The following SERINC2 variants were observed in gnomAD, a reference collection of about 807,000 sequenced individuals.
SERINC2 encodes the protein tumor differentially expressed protein 2.
A neutral mutation model predicts 54.2 loss-of-function variants in SERINC2; 56 were observed. The observed-to-expected ratio is 1.03, with a 90% CI of 0.83 to 1.29. The LOEUF is 1.29. SERINC2 is among the 50% of genes most tolerant of loss of function. The pLI is 0.00. For synonymous variants in SERINC2, 272 were observed against 253.1 expected, an observed-to-expected ratio of 1.07 and a Z score of -0.71; for missense variants, 614 against 607.4, an observed-to-expected ratio of 1.01 and a Z score of -0.12.
intron 3 of SERINC2, among the ~76,000 whole-genome samples, 192 bp downstream of exon 3, chr1:31,425,065 C>T (rs927686794): frequency 6.6e-6 from 1 of 152,216 alleles, no homozygotes; most frequent in Non-Finnish European, 1.5e-5. Context: ...CAGCAAGCCT[C>T]AGGCCCCGCA....
chr1:31,431,876 A>AGAGGGTGGT (rs1641238480), intron 8 of SERINC2, among the ~76,000 whole-genome samples: 1 of 133,414 alleles, frequency 7.5e-6, no homozygotes. Flanking sequence ...GATAGGGTGG[A>AGAGGGTGGT]CAGGGTGGAC....
rs1640705341 is a variant in SERINC2 at position 31,413,790 on chromosome 1, G to T, written c.39+486G>T. ...GCCTGCCAGTCCGCCTGTTCCTGTC[G>T]CTCGGGCTCCGCCTGTCCGTTCGTA... On this transcript the variant is annotated intron_variant, in intron 1 of 9. Transcript: ENST00000373709. The surrounding 1 kb of genome is among the most constrained non-coding windows in gnomAD (Gnocchi z 5.0). The T allele has an allele frequency of 9.5e-6, 13 of 1,375,614 alleles. No homozygotes were observed. The highest frequency in any genetic ancestry group is 1.2e-5 in the Non-Finnish European group (13 of 1,071,510). The allele number at this position is 1,375,614 out of a possible 1,614,324, so 85.2% of individuals were successfully genotyped here. A position where few individuals can be genotyped will look rare whatever the true frequency, so the allele number is the denominator to read the frequency against.
chr1:31,429,673 C>T (rs782210551), intron 8 of SERINC2, 135 bp downstream of exon 8: 43 of 1,003,304 alleles, frequency 4.3e-5, no homozygotes, highest in African/African-American at 1.3e-4. Flanking sequence ...TTGCATTGTG[C>T]GGGAGGGGAA....
chr1:31,432,606 G>T (rs1641340436), intron 8 of SERINC2, among the ~76,000 whole-genome samples: 1 of 152,114 alleles, frequency 6.6e-6, no homozygotes, highest in Non-Finnish European at 1.5e-5. Flanking sequence ...TTATGGAAAT[G>T]GCAAAGGAAC....
chr1:31,432,066 C>G (rs138712518), intron 8 of SERINC2, among the ~76,000 whole-genome samples: 737 of 15,290 alleles, frequency 0.048, 12 homozygotes, highest in East Asian at 0.079. Flanking sequence ...ACAGGGTGGA[C>G]AGGGTGGACA....
chr1:31,415,409 C>G (rs1198743836), intron 1 of SERINC2, among the ~76,000 whole-genome samples: 1 of 152,238 alleles, frequency 6.6e-6, no homozygotes, highest in African/African-American at 2.4e-5. Flanking sequence ...AGCCCCTCAC[C>G]ATGCCATCTC....
intron 8 of SERINC2, among the ~76,000 whole-genome samples, chr1:31,431,859 T>TGGAC (rs1260863260): frequency 4.0e-5 from 1 of 24,914 alleles, no homozygotes; most frequent in African/African-American, 7.3e-5. Context: ...ATAGGGTGGA[T>TGGAC]AGGGTGGATA....
chr1:31,415,028 G>A (rs1259865249), intron 1 of SERINC2, among the ~76,000 whole-genome samples: 1 of 152,204 alleles, frequency 6.6e-6, no homozygotes, highest in African/African-American at 2.4e-5. Context: ...TGGTCTCTGA[G>A]TTACAGCATT....
intron 1 of SERINC2, chr1:31,414,454 T>TGTGTATGTGTGTGAGA (rs1553131931): frequency 1.7e-6 from 1 of 603,858 alleles, no homozygotes; most frequent in Non-Finnish European, 2.0e-6. Flanking sequence ...TGTGTGTGTG[T>TGTGTATGTGTGTGAGA]GAGAGAGAGA....
At position 31,415,877 on chromosome 1, in the gene SERINC2, G is replaced by GGAACTGGGCTGAAGGT; in HGVS notation, c.39+2591_39+2606dup. The stretch of plus-strand genomic sequence containing the variant: ...TCTGCTGATTGTGCTTCTCAGCATT[G>GGAACTGGGCTGAAGGT]GAACTGGGCTGAAGGTGAACTGGGC... On this transcript the variant is annotated intron_variant, in intron 1 of 9. Coordinates refer to ENST00000373709, the MANE Select transcript of SERINC2 (RefSeq NM_178865.5). 1.1e-3 allele frequency: 1,098 copies of GGAACTGGGCTGAAGGT among 985,502 alleles called. 7 individuals carry two copies. In the African/African-American group the frequency reaches 0.017, roughly 16 times the overall value. 61.0% of individuals were successfully genotyped at this position (985,502 alleles called of 1,614,324 possible).
Position 31,434,151 on chromosome 1 carries a change from G to T in SERINC2, c.1320G>T (p.Leu440=). 6.2e-7 allele frequency: 1 copy of T among 1,613,888 alleles called. No individual in the cohort carries two copies. Among genetic ancestry groups the T allele is most frequent in the African/African-American group, 1.3e-5 (1 of 75,018 alleles). ...GCTGGGCAGGGCTGCTCCTCTACCTGTGGACCCTGGTAGCCCCACTCCTCC... is the reference window on the plus strand; with the variant it reads ...GCTGGGCAGGGCTGCTCCTCTACCTTTGGACCCTGGTAGCCCCACTCCTCC... ...CASWAGLLLY[L]WTLVAPLLLR... Residue 440 remains leucine (L), a synonymous_variant, in exon 10 of 10, where the codon CTG becomes CTT. Transcript: ENST00000373709.
rs1172108164 is a variant in SERINC2 at position 31,434,417 on chromosome 1, C to T, written c.*218C>T. On this transcript the variant is annotated 3_prime_UTR_variant, in exon 10 of 10. Coordinates refer to ENST00000373709, the MANE Select transcript of SERINC2 (RefSeq NM_178865.5). ...CAGAGCCCCATCCCCCCGCCACACC[C>T]ACACGGTGGAGCTGCCTCTTCCTTC... 5 of 577,548 alleles carry T rather than the reference C, an allele frequency of 8.7e-6. No individual in the cohort carries two copies. The highest frequency in any genetic ancestry group is 1.5e-5 in the Non-Finnish European group (5 of 325,610). The allele number at this position is 577,548 out of a possible 1,614,324, so 35.8% of individuals were successfully genotyped here. A position where few individuals can be genotyped will look rare whatever the true frequency, so the allele number is the denominator to read the frequency against.
intron 1 of SERINC2, among the ~76,000 whole-genome samples, 154 bp from the exon 2 acceptor site, chr1:31,423,539 C>T (rs1158884099): frequency 1.3e-5 from 2 of 152,208 alleles, no homozygotes; most frequent in Non-Finnish European, 2.9e-5. Context: ...GACCCAGCCT[C>T]CCTCTCGGAC....
At chr1:31,425,691 G>A in intron 4 of SERINC2, 85 bp from the exon 5 acceptor site, 6 of 1,495,728 alleles carry the variant, frequency 4.0e-6, no homozygotes, top group Non-Finnish European at 5.5e-6. Context: ...AGTGTCCCCG[G>A]TGCAGGGTGT....
chr1:31,431,935 G>A lies in SERINC2; in HGVS notation c.1014-1032G>A, dbSNP rs868962863. Among the ~76,000 whole-genome samples the A allele has an allele frequency of 3.9e-3, 433 of 110,486 alleles. 34 individuals carry two copies. Among genetic ancestry groups the A allele is most frequent in the Non-Finnish European group, 6.0e-3 (299 of 49,768 alleles). 72.5% of individuals were successfully genotyped at this position (110,486 alleles called of 152,430 possible). On this transcript the variant is annotated intron_variant, in intron 8 of 9. Transcript: ENST00000373709. ...GGATAGGGTGGTTAGGGTGGATAGGGTGGTTAGGGTGGTTAGGGTGGTTAG... is the reference window on the plus strand; with the variant it reads ...GGATAGGGTGGTTAGGGTGGATAGGATGGTTAGGGTGGTTAGGGTGGTTAG...
upstream of SERINC2, among the ~76,000 whole-genome samples, chr1:31,411,365 G>T (rs1302769991): frequency 6.6e-6 from 1 of 152,110 alleles, no homozygotes; most frequent in Non-Finnish European, 1.5e-5. Flanking sequence ...CACAGTCAAC[G>T]TTTATTCGAC....
Position 31,413,867 on chromosome 1 carries a change from C to A in SERINC2, c.39+563C>A. The A allele has an allele frequency of 7.0e-7, 1 of 1,434,500 alleles. No individual in the cohort carries two copies. 88.9% of individuals were successfully genotyped at this position (1,434,500 alleles called of 1,614,324 possible). On this transcript the variant is annotated intron_variant, in intron 1 of 9. Coordinates refer to ENST00000373709, the MANE Select transcript of SERINC2 (RefSeq NM_178865.5). This position sits in a 1 kb window ranked among gnomAD's most constrained non-coding sequence, Gnocchi z 5.0. ...CGTTCGTCCGACTGTCTTTGTCCGT[C>A]TGCTGTCTTCTGTCCGTCTGCCCGT...
chr1:31,413,210 C>T, upstream of SERINC2: 1 of 1,082,802 alleles, frequency 9.2e-7, no homozygotes, highest in Non-Finnish European at 1.1e-6. The surrounding 1 kb of genome is among the most constrained non-coding windows in gnomAD (Gnocchi z 5.0). Flanking sequence ...GCACCCGGAT[C>T]CCGAGGTCCG....
At chr1:31,431,797 AGGGTGGACAGGGTGGACAGGGT>A (rs1557499830) in intron 8 of SERINC2, among the ~76,000 whole-genome samples, 62 of 140,098 alleles carry the variant, frequency 4.4e-4, no homozygotes, top group African/African-American at 1.4e-3. Flanking sequence ...TAGGGTGGAT[AGGGTGGACAGGGTGGACAGGGT>A]GGATAGGGTG....
Sources: gnomAD v4.1 joint callset for allele counts (sites outside exome capture counted in the v4.1 genomes callset) on GRCh38, gnomAD v4.1.1 for gene constraint, Gnocchi (gnomAD v3.1) non-coding constraint, MANE v1.5 for transcripts, NCBI Gene and HGNC (gene_info 2026-07-23, HGNC 2026-07-21) for gene names.